HECW1: variants seen among roughly 807,000 people sequenced by gnomAD.
The protein encoded by HECW1 is HECT, C2 and WW domain containing E3 ubiquitin protein ligase 1, also known as E3 ubiquitin-protein ligase HECW1.
Under a neutral mutation model 182.3 loss-of-function variants are expected in HECW1, and 61 were observed. The observed-to-expected ratio is 0.33, with a 90% CI of 0.27 to 0.41. HECW1 has a LOEUF of 0.41. HECW1 is among the 10% of genes least tolerant of loss of function. The pLI is 1.00. For missense variants in HECW1, 1,739 were observed against 2,108.9 expected, an observed-to-expected ratio of 0.82 and a Z score of 3.44; for synonymous variants, 859 against 832.6, an observed-to-expected ratio of 1.03 and a Z score of -0.55.
intron 13 of HECW1, among the ~76,000 whole-genome samples, chr7:43,459,843 A>C (rs763646023): frequency 6.6e-6 from 1 of 152,294 alleles, no homozygotes; most frequent in African/African-American, 2.4e-5. Flanking sequence ...CAGCCAATTT[A>C]GCTTTTTAAA....
At chr7:43,351,954 C>A (rs893623980) in intron 5 of HECW1, among the ~76,000 whole-genome samples, 1 of 152,272 alleles carries the variant, frequency 6.6e-6, no homozygotes, top group Admixed American at 6.5e-5. Flanking sequence ...CACCTTGAAT[C>A]GTAAGGGAAT....
At chr7:43,122,632 G>A (rs1339854248) in intron 2 of HECW1, among the ~76,000 whole-genome samples, 1 of 152,052 alleles carries the variant, frequency 6.6e-6, no homozygotes, top group Admixed American at 6.5e-5. Flanking sequence ...CATACATTCA[G>A]ATCATGGTGT....
At chr7:43,247,195 A>G (rs1422305198) in intron 3 of HECW1, among the ~76,000 whole-genome samples, 1 of 152,194 alleles carries the variant, frequency 6.6e-6, no homozygotes, top group Non-Finnish European at 1.5e-5. Context: ...GGTGGAATTT[A>G]CTGCCTTAAG....
rs1265216996 is a variant in HECW1, at chr7:43,488,421, AG to A, written c.3235-3653del. Among the ~76,000 whole-genome samples the A allele has an allele frequency of 5.8e-4, 38 of 65,040 alleles. 1 individual carries two copies. Among genetic ancestry groups the A allele is most frequent in the African/African-American group, 1.3e-3 (34 of 25,726 alleles). 42.7% of individuals were successfully genotyped at this position (65,040 alleles called of 152,430 possible). A position where few individuals can be genotyped will look rare whatever the true frequency, so the allele number is the denominator to read the frequency against. The stretch of plus-strand genomic sequence containing the variant: ...AAGGAAATGAAAGAAAGAGAGAGAG[AG>A]AAAGAAAGAAAGAGAAAGAAAGAAA... On this transcript the variant is annotated intron_variant, in intron 17 of 29. Coordinates refer to ENST00000395891, the MANE Select transcript of HECW1 (RefSeq NM_015052.5).
At chr7:43,416,994 C>T (rs944242002) in intron 8 of HECW1, among the ~76,000 whole-genome samples, 1 of 152,326 alleles carries the variant, frequency 6.6e-6, no homozygotes, top group Middle Eastern at 3.4e-3. Flanking sequence ...TCTTCTGCGT[C>T]GCTCACGCTG....
chr7:43,173,874 C>T (rs1791945737), intron 2 of HECW1, among the ~76,000 whole-genome samples: 3 of 150,754 alleles, frequency 2.0e-5, no homozygotes, highest in Non-Finnish European at 4.4e-5. Context: ...GACAGGGTAT[C>T]ACTCTGTTAG....
chr7:43,558,556 G>A (rs189519001), intron 29 of HECW1, among the ~76,000 whole-genome samples: 173 of 152,262 alleles, frequency 1.1e-3, no homozygotes, highest in African/African-American at 3.8e-3. Flanking sequence ...TGAGGGGAAG[G>A]GGTGCTACTG....
chr7:43,225,928 C>T (rs1175933923), intron 2 of HECW1, among the ~76,000 whole-genome samples: 1 of 152,054 alleles, frequency 6.6e-6, no homozygotes, highest in African/African-American at 2.4e-5. Flanking sequence ...ATGCCACCAA[C>T]TCAGCTAACT....
intron 2 of HECW1, among the ~76,000 whole-genome samples, chr7:43,169,702 T>C (rs1214474950): frequency 6.7e-6 from 1 of 149,010 alleles, no homozygotes; most frequent in Non-Finnish European, 1.5e-5. Context: ...TTTTTTTTTT[T>C]TTTTTTGAGA....
chr7:43,219,445 G>A (rs1191966328), intron 2 of HECW1, among the ~76,000 whole-genome samples: 3 of 152,088 alleles, frequency 2.0e-5, no homozygotes, highest in Admixed American at 2.0e-4. Flanking sequence ...CCGATACCGA[G>A]CTAAAGAAGG....
chr7:43,556,662 TG>T (rs2082034787), intron 29 of HECW1, among the ~76,000 whole-genome samples: 1 of 150,548 alleles, frequency 6.6e-6, no homozygotes, highest in East Asian at 2.0e-4. Flanking sequence ...CACTCCAGGC[TG>T]GGCAACAGAG....
At chr7:43,120,556 G>A (rs916738056) in intron 2 of HECW1, among the ~76,000 whole-genome samples, 1 of 152,188 alleles carries the variant, frequency 6.6e-6, no homozygotes, top group Admixed American at 6.5e-5. Context: ...ACCGAATGAT[G>A]TAACAGGTGC....
chr7:43,492,308 C>G lies in HECW1; in HGVS notation c.3340+128C>G, dbSNP rs1036328156. ...CAACATTCTGTCTTTCCTTTCTCCT[C>G]TTTTAGGATATAGTGCACACCCCGA... On this transcript the variant is annotated intron_variant, in intron 18 of 29. Transcript: ENST00000395891. 4.3e-5 allele frequency: 29 copies of G among 671,772 alleles called. No homozygotes were observed. The African/African-American group carries it at 5.2e-4, about 12-fold the overall frequency. 41.6% of individuals were successfully genotyped at this position (671,772 alleles called of 1,614,324 possible).
At chr7:43,124,031 G>C (rs1217128474) in intron 2 of HECW1, among the ~76,000 whole-genome samples, 1 of 152,220 alleles carries the variant, frequency 6.6e-6, no homozygotes, top group Non-Finnish European at 1.5e-5. Context: ...AGTGATTGGG[G>C]GTGGGTAGGA....
intron 24 of HECW1, chr7:43,522,149 A>T (rs957108631): frequency 1.3e-5 from 2 of 152,248 alleles, no homozygotes; most frequent in African/African-American, 4.8e-5. Flanking sequence ...TATTATTTAT[A>T]AATTACTCAA....
chr7:43,550,299 C>G (rs1370470163), intron 26 of HECW1, 146 bp from the exon 27 acceptor site: 3 of 842,788 alleles, frequency 3.6e-6, no homozygotes, highest in Non-Finnish European at 5.5e-6. Flanking sequence ...TGACCTTTAG[C>G]AAGGAAAAAA....
rs189282680 is a variant in HECW1, at chr7:43,227,410, G to A, written c.-31-16465G>A. Among the ~76,000 whole-genome samples, 66 of 152,194 alleles carry A rather than the reference G, an allele frequency of 4.3e-4. No homozygotes were observed. The East Asian group carries it at 8.5e-3, about 20-fold the overall frequency. On this transcript the variant is annotated intron_variant, in intron 2 of 29. Transcript: ENST00000395891. The stretch of plus-strand genomic sequence containing the variant: ...ATAAAATTTAAGTCATTTAAAAAGC[G>A]TCTGGGTTTCAATGATAATGAAAAT...
chr7:43,423,687 CCAGCTCATGTGAGCTGA>C (rs2076267651), intron 8 of HECW1, among the ~76,000 whole-genome samples: 1 of 152,154 alleles, frequency 6.6e-6, no homozygotes, highest in South Asian at 2.1e-4. Flanking sequence ...TGAGCTGGAG[CCAGCTCATGTGAGCTGA>C]CAGCTCATGT....
chr7:43,412,668 T>C (rs1420179772), intron 8 of HECW1, among the ~76,000 whole-genome samples: 1 of 146,656 alleles, frequency 6.8e-6, no homozygotes, highest in African/African-American at 2.5e-5. Flanking sequence ...GTGATCTCAA[T>C]GTTCAATTCC....
Sources: gnomAD v4.1 joint callset for allele counts (sites outside exome capture counted in the v4.1 genomes callset) on GRCh38, gnomAD v4.1.1 for gene constraint, MANE v1.5 for transcripts, NCBI Gene and HGNC (gene_info 2026-07-23, HGNC 2026-07-21) for gene names.